IL1RAPL1: variants seen among roughly 807,000 people sequenced by gnomAD.
IL1RAPL1 encodes the protein interleukin 1 receptor accessory protein like 1, also known as interleukin-1 receptor accessory protein-like 1.
A neutral mutation model predicts 48.4 loss-of-function variants in IL1RAPL1; 3 were observed. That is an observed-to-expected ratio of 0.06 (90% CI 0.03 to 0.16). IL1RAPL1 has a LOEUF of 0.16. IL1RAPL1 is among the 10% of genes least tolerant of loss of function. IL1RAPL1 has a pLI of 1.00. For synonymous variants in IL1RAPL1, 185 were observed against 187.7 expected (o/e 0.99, Z 0.12); for missense variants, 349 against 530.6 (o/e 0.66, Z 3.36).
chrX:29,227,491 A>C (rs2223505), intron 2 of IL1RAPL1, among the ~76,000 whole-genome samples: 44,432 of 110,403 alleles, frequency 0.4, 8,764 homozygotes, highest in Non-Finnish European at 0.61. Flanking sequence ...TTTTAATTTG[A>C]CAGTCTCCTT....
At position 29,580,563 on chromosome X, in the gene IL1RAPL1, C is replaced by CT. The variant is rs375630627; in HGVS notation, c.704-87865dup. 4.5e-3 allele frequency among the ~76,000 whole-genome samples: 501 copies of CT among 111,854 alleles called. 2 individuals carry two copies. Among genetic ancestry groups the CT allele is most frequent in the African/African-American group, 0.016 (480 of 30,871 alleles). ...TACTCAGTGGTTTCCAATAACAATC[C>CT]TTAATTCTCACTCCGTTATCCGTGG... is the stretch of plus-strand genomic sequence containing the variant. On this transcript the variant is annotated intron_variant, in intron 5 of 10. Coordinates refer to ENST00000378993, the MANE Select transcript of IL1RAPL1 (RefSeq NM_014271.4).
chrX:28,643,063 A>T (rs1484434527), intron 1 of IL1RAPL1, among the ~76,000 whole-genome samples: 1 of 110,519 alleles, frequency 9.0e-6, no homozygotes, highest in African/African-American at 3.3e-5. Context: ...TAATTTTTGT[A>T]TTTTTAGTAG....
At chrX:29,769,340 G>A (rs1187480272) in intron 6 of IL1RAPL1, among the ~76,000 whole-genome samples, 1 of 100,552 alleles carries the variant, frequency 9.9e-6, no homozygotes, top group Non-Finnish European at 2.0e-5. Context: ...TCATGTACAT[G>A]TTTTTGTATG....
At chrX:29,526,353 G>A (rs1472810321) in intron 5 of IL1RAPL1, among the ~76,000 whole-genome samples, 1 of 111,204 alleles carries the variant, frequency 9.0e-6, no homozygotes, top group Non-Finnish European at 1.9e-5. Context: ...TATATTAATA[G>A]ATCTAAGAAA....
intron 1 of IL1RAPL1, among the ~76,000 whole-genome samples, chrX:28,781,285 GT>G (rs200447953): frequency 8.6e-4 from 88 of 102,586 alleles, no homozygotes; most frequent in Non-Finnish European, 1.3e-3. Flanking sequence ...AAACTTGAGG[GT>G]TTTTTTTTTA....
At chrX:29,518,333 T>C (rs1935468721) in intron 5 of IL1RAPL1, among the ~76,000 whole-genome samples, 1 of 110,755 alleles carries the variant, frequency 9.0e-6, no homozygotes, top group Non-Finnish European at 1.9e-5. Context: ...ATTCCATAGG[T>C]CTTGGGTGGA....
At chrX:29,638,088 C>G (rs912734355) in intron 5 of IL1RAPL1, among the ~76,000 whole-genome samples, 15 of 110,906 alleles carry the variant, frequency 1.4e-4, no homozygotes, top group African/African-American at 4.6e-4. Flanking sequence ...TGTAGGCTAG[C>G]TTGGTGATCA....
At chrX:29,954,812 C>T (rs1350384989) in intron 10 of IL1RAPL1, 120 bp downstream of exon 10, 1 of 651,609 alleles carries the variant, frequency 1.5e-6, no homozygotes, top group East Asian at 3.3e-5. Context: ...TGTTAGTTTC[C>T]CTAGAAAGAA....
At chrX:28,747,154 C>T (rs1168922058) in intron 1 of IL1RAPL1, among the ~76,000 whole-genome samples, 1 of 110,915 alleles carries the variant, frequency 9.0e-6, no homozygotes, top group Non-Finnish European at 1.9e-5. Flanking sequence ...TTATTGTTGC[C>T]TGATATTTTG....
At chrX:29,263,782 G>C (rs1931900944) in intron 2 of IL1RAPL1, among the ~76,000 whole-genome samples, 1 of 108,492 alleles carries the variant, frequency 9.2e-6, no homozygotes, top group South Asian at 4.1e-4. Flanking sequence ...CCCTAGAATT[G>C]GCTCACCAGT....
intron 1 of IL1RAPL1, among the ~76,000 whole-genome samples, chrX:28,608,009 C>A (rs779371234): frequency 1.8e-5 from 2 of 111,407 alleles, no homozygotes; most frequent in East Asian, 5.7e-4. Context: ...GACAAGGTTT[C>A]TTTCCTGAGG....
intron 2 of IL1RAPL1, among the ~76,000 whole-genome samples, chrX:28,938,951 G>T (rs751722324): frequency 1.8e-5 from 2 of 109,710 alleles, no homozygotes; most frequent in African/African-American, 6.6e-5. Flanking sequence ...TTAGAGAAAT[G>T]CAAATCAAAA....
intron 2 of IL1RAPL1, among the ~76,000 whole-genome samples, chrX:29,168,702 T>TATATATTCATATATACAATTGTATAC (rs2147511343): frequency 1.2e-5 from 1 of 85,845 alleles, no homozygotes; most frequent in African/African-American, 3.7e-5. Context: ...CAATTGTATA[T>TATATATTCATATATACAATTGTATAC]ATATATTCAT....
In IL1RAPL1 at chrX:29,462,302, C is replaced by T. The variant is rs187439821; in HGVS notation, c.703+62994C>T. On this transcript the variant is annotated intron_variant, in intron 5 of 10. Coordinates refer to ENST00000378993, the MANE Select transcript of IL1RAPL1 (RefSeq NM_014271.4). ...TATTGCTTGGGGAGTTCTTTCATACCGCTTGTCACCAGCATTCTCACTGGC... is the reference window on the plus strand; with the variant it reads ...TATTGCTTGGGGAGTTCTTTCATACTGCTTGTCACCAGCATTCTCACTGGC... Among the ~76,000 whole-genome samples, 92 of 111,078 alleles carry T rather than the reference C, an allele frequency of 8.3e-4. 3 individuals are homozygous for T. The East Asian group carries it at 0.024, about 30-fold the overall frequency.
chrX:29,911,346 A>G (rs958693958), intron 6 of IL1RAPL1, among the ~76,000 whole-genome samples: 1 of 111,640 alleles, frequency 9.0e-6, no homozygotes, highest in Non-Finnish European at 1.9e-5. Context: ...AGTGGCTGCC[A>G]CTTGGTACAG....
intron 1 of IL1RAPL1, among the ~76,000 whole-genome samples, chrX:28,709,049 A>C (rs541542030): frequency 8.9e-6 from 1 of 112,401 alleles, no homozygotes; most frequent in Admixed American, 9.4e-5. Flanking sequence ...ACTAAAAAAT[A>C]AAGACAGTGT....
At chrX:29,170,616 C>A (rs905050094) in intron 2 of IL1RAPL1, among the ~76,000 whole-genome samples, 5 of 111,016 alleles carry the variant, frequency 4.5e-5, no homozygotes, top group Non-Finnish European at 7.6e-5. Context: ...GAATATTCAA[C>A]GTATATGTAG....
At chrX:28,917,260 G>A (rs1184937106) in intron 2 of IL1RAPL1, among the ~76,000 whole-genome samples, 1 of 111,277 alleles carries the variant, frequency 9.0e-6, no homozygotes, top group Non-Finnish European at 1.9e-5. Flanking sequence ...CTTCATATAA[G>A]CCAATTTTCT....
intron 2 of IL1RAPL1, among the ~76,000 whole-genome samples, chrX:29,238,660 G>A (rs1404637258): frequency 8.9e-6 from 1 of 112,015 alleles, no homozygotes; most frequent in African/African-American, 3.2e-5. Flanking sequence ...TTTCTAGCCA[G>A]TAGAGATCAC....
Sources: allele counts gnomAD v4.1 joint callset (sites outside exome capture counted in the v4.1 genomes callset), GRCh38; gene constraint gnomAD v4.1.1; transcripts MANE v1.5; gene names NCBI Gene and HGNC (gene_info 2026-07-23, HGNC 2026-07-21).